Variants in MUSK observed in about 807,000 individuals in gnomAD.
MUSK encodes the protein muscle, skeletal receptor tyrosine-protein kinase.
Under a neutral mutation model 88.7 loss-of-function variants are expected in MUSK, and 55 were observed. The ratio of observed to expected loss-of-function variants is 0.62; its 90% CI spans 0.50 to 0.78. The LOEUF is 0.78. MUSK is among the 30% of genes least tolerant of loss of function. The pLI is 0.00. For synonymous variants in MUSK, 387 were observed against 391.9 expected, an observed-to-expected ratio of 0.99 and a Z score of 0.15; for missense variants, 1,015 against 1,074.3, an observed-to-expected ratio of 0.94 and a Z score of 0.77.
intron 11 of MUSK, among the ~76,000 whole-genome samples, chr9:110,782,943 C>T (rs1303548222): frequency 6.6e-6 from 1 of 152,202 alleles, no homozygotes; most frequent in Non-Finnish European, 1.5e-5. Context: ...GGCCTGGCAT[C>T]CGCAGGCTTC....
chr9:110,755,970 A>G (rs2077314501), intron 7 of MUSK, among the ~76,000 whole-genome samples: 1 of 84,134 alleles, frequency 1.2e-5, no homozygotes, highest in Non-Finnish European at 2.6e-5. Flanking sequence ...ATATACATAT[A>G]TATATATACA....
rs140056007 is a variant in MUSK, at chr9:110,703,120, T to A, written c.628+5654T>A. ...TCACACCTACAGAAAACAACCTACC[T>A]TGAGTGAGTGTTGTCCAACATAATA... On this transcript the variant is annotated intron_variant, in intron 5 of 14. Transcript: ENST00000374448. 4.3e-4 allele frequency among the ~76,000 whole-genome samples: 65 copies of A among 152,296 alleles called. No homozygotes were observed. The East Asian group carries it at 0.011, about 27-fold the overall frequency.
At chr9:110,769,293 T>G (rs1054230369) in intron 9 of MUSK, among the ~76,000 whole-genome samples, 4 of 152,206 alleles carry the variant, frequency 2.6e-5, no homozygotes, top group Non-Finnish European at 4.4e-5. Context: ...GTATGGTCAT[T>G]AAATTAGAGT....
At position 110,803,689 on chromosome 9, in the gene MUSK, G is replaced by A. The variant is rs1365209937; in HGVS notation, c.*2701G>A. On this transcript the variant is annotated 3_prime_UTR_variant, in exon 15 of 15. Coordinates refer to ENST00000374448, the MANE Select transcript of MUSK (RefSeq NM_005592.4). ...TTTAAGTTAATCATAACATCTAATA[G>A]GTGACATGTTTATTTTTTCATGAGT... is the stretch of plus-strand genomic sequence containing the variant. 2.0e-5 allele frequency among the ~76,000 whole-genome samples: 3 copies of A among 152,090 alleles called. No homozygotes were observed. Among genetic ancestry groups the A allele is most frequent in the African/African-American group, 7.2e-5 (3 of 41,408 alleles).
chr9:110,747,544 C>A (rs1587985853), intron 6 of MUSK, 97 bp from the exon 7 acceptor site: 3 of 1,310,364 alleles, frequency 2.3e-6, no homozygotes, highest in Non-Finnish European at 3.2e-6. Context: ...ACCACATGCA[C>A]TTGATTATAA....
intron 2 of MUSK, among the ~76,000 whole-genome samples, chr9:110,684,052 C>G (rs10817071): frequency 0.7 from 106,218 of 151,964 alleles, 38,544 homozygotes; most frequent in African/African-American, 0.87. Flanking sequence ...AGAAATTTTT[C>G]CCCAGACCAA....
intron 5 of MUSK, 55 bp from the exon 6 acceptor site, chr9:110,734,196 C>G: frequency 3.8e-6 from 6 of 1,559,540 alleles, no homozygotes; most frequent in Non-Finnish European, 5.2e-6. Context: ...AAAGACCACC[C>G]TAGCTTGACC....
chr9:110,721,623 C>T (rs1457340740), intron 5 of MUSK, among the ~76,000 whole-genome samples: 2 of 152,110 alleles, frequency 1.3e-5, no homozygotes, highest in Non-Finnish European at 2.9e-5. Flanking sequence ...ACATCCCGTG[C>T]TCATAGATAG....
In MUSK at chr9:110,766,236, G is replaced by A. The variant is rs183239129; in HGVS notation, c.921-1584G>A. On this transcript the variant is annotated intron_variant, in intron 8 of 14. Coordinates refer to ENST00000374448, the MANE Select transcript of MUSK (RefSeq NM_005592.4). ...AGGTTTGCCTGAGGGAAGAAAGAGA[G>A]GAGAGACAGGAGGGCAGAAGGTCTG... Among the ~76,000 whole-genome samples, 32 of 152,320 alleles carry A rather than the reference G, an allele frequency of 2.1e-4. 1 individual carries two copies. In the East Asian group the frequency reaches 6.2e-3, roughly 29 times the overall value.
In MUSK at chr9:110,690,844, G is replaced by A. The variant is rs1331417127; in HGVS notation, c.358+3576G>A. On this transcript the variant is annotated intron_variant, in intron 3 of 14. Coordinates refer to ENST00000374448, the MANE Select transcript of MUSK (RefSeq NM_005592.4). ...TATATATAAATATATATAAATATAA[G>A]TATATATATAAATATATATATTTAA... is the stretch of plus-strand genomic sequence containing the variant. Among the ~76,000 whole-genome samples the A allele has an allele frequency of 1.9e-3, 234 of 122,072 alleles. 3 individuals are homozygous for A. The highest frequency in any genetic ancestry group is 6.8e-3 in the African/African-American group (212 of 31,306). 80.1% of individuals were successfully genotyped at this position (122,072 alleles called of 152,430 possible).
intron 12 of MUSK, 103 bp downstream of exon 12, chr9:110,785,119 T>A: frequency 1.0e-6 from 1 of 996,134 alleles, no homozygotes; most frequent in Non-Finnish European, 1.5e-6. Flanking sequence ...TGCAACTCTC[T>A]AAATATATCC....
intron 5 of MUSK, among the ~76,000 whole-genome samples, chr9:110,730,681 C>T (rs1215153795): frequency 6.6e-6 from 1 of 151,972 alleles, no homozygotes; most frequent in Admixed American, 6.6e-5. Context: ...TTATTGTTTA[C>T]AATGCTTGAA....
At chr9:110,713,061 GA>G (rs1013564025) in intron 5 of MUSK, among the ~76,000 whole-genome samples, 1 of 151,906 alleles carries the variant, frequency 6.6e-6, no homozygotes, top group Non-Finnish European at 1.5e-5. Flanking sequence ...ATTGAGGGAG[GA>G]AAAAGAAAAT....
chr9:110,675,215 C>CTTTTTTTTT (rs386415865), intron 1 of MUSK, among the ~76,000 whole-genome samples: 3 of 88,346 alleles, frequency 3.4e-5, no homozygotes, highest in Non-Finnish European at 6.4e-5. Flanking sequence ...CACATTGCCT[C>CTTTTTTTTT]TTTTTTTTTT....
chr9:110,686,904 A>G (rs1452372586), intron 2 of MUSK, among the ~76,000 whole-genome samples: 1 of 152,176 alleles, frequency 6.6e-6, no homozygotes, highest in Admixed American at 6.5e-5. Context: ...TTGAAGGACT[A>G]TGGTACTTTG....
chr9:110,776,712 ATG>A, intron 11 of MUSK, 57 bp downstream of exon 11: 1 of 1,432,294 alleles, frequency 7.0e-7, no homozygotes, highest in South Asian at 1.3e-5. Context: ...GGATTCATGC[ATG>A]TGTGTTTACA....
In MUSK at chr9:110,690,711, T is replaced by G. The variant is rs1265200272; in HGVS notation, c.358+3443T>G. ...AAGTATATATATAAATATATATATT[T>G]AAATATAAGTATATATATAAATATA... On this transcript the variant is annotated intron_variant, in intron 3 of 14. Coordinates refer to ENST00000374448, the MANE Select transcript of MUSK (RefSeq NM_005592.4). Among the ~76,000 whole-genome samples the G allele has an allele frequency of 3.7e-3, 4 of 1,074 alleles. 1 individual carries two copies. The highest frequency in any genetic ancestry group is 0.022 in the African/African-American group (4 of 184). 0.7% of individuals were successfully genotyped at this position (1,074 alleles called of 152,430 possible). A position where few individuals can be genotyped will look rare whatever the true frequency, so the allele number is the denominator to read the frequency against.
chr9:110,700,438 A>C (rs192851695), intron 5 of MUSK, among the ~76,000 whole-genome samples: 34 of 152,254 alleles, frequency 2.2e-4, no homozygotes, highest in African/African-American at 8.2e-4. Context: ...CTAGATGAAA[A>C]TGAGGGGAAA....
At chr9:110,752,736 T>C (rs1174888564) in intron 7 of MUSK, among the ~76,000 whole-genome samples, 2 of 152,258 alleles carry the variant, frequency 1.3e-5, no homozygotes, top group African/African-American at 4.8e-5. Context: ...TTATGTCTAA[T>C]GATATTTCTA....
Sources: allele counts gnomAD v4.1 joint callset (sites outside exome capture counted in the v4.1 genomes callset), GRCh38; gene constraint gnomAD v4.1.1; transcripts MANE v1.5; gene names NCBI Gene and HGNC (gene_info 2026-07-23, HGNC 2026-07-21).